PALM2AKAP2: variants seen among roughly 807,000 people sequenced by gnomAD.
The protein encoded by PALM2AKAP2 is PALM2 and AKAP2 fusion, also known as PALM2-AKAP2 fusion protein.
PALM2AKAP2 carries 37 observed loss-of-function variants against 71.5 expected under a neutral mutation model. The observed-to-expected ratio is 0.52, with a 90% CI of 0.40 to 0.68. The LOEUF (loss-of-function observed/expected upper bound fraction) is 0.68. PALM2AKAP2 is among the 30% of genes least tolerant of loss of function. The probability of loss-of-function intolerance (pLI) is 0.00; values close to 1 mark genes in which losing one functional copy is unlikely to be tolerated. For synonymous variants in PALM2AKAP2, 468 were observed against 478.8 expected, an observed-to-expected ratio of 0.98 and a Z score of 0.29; for missense variants, 1,224 against 1,191.8, an observed-to-expected ratio of 1.03 and a Z score of -0.40.
chr9:110,137,730 A>G (rs1451128149), exon 2 of PALM2AKAP2: 3 of 1,614,056 alleles, frequency 1.9e-6, no homozygotes, highest in Non-Finnish European at 2.5e-6. Flanking sequence ...TTCAGCATGG[A>G]CAACATCAGT....
intron 2 of PALM2AKAP2, among the ~76,000 whole-genome samples, chr9:109,878,723 TTACTAA>T (rs1400946873): frequency 1.4e-4 from 21 of 152,284 alleles, no homozygotes; most frequent in Non-Finnish European, 2.1e-4. Flanking sequence ...GAAGTCTAAC[TTACTAA>T]TACTAAGTGT....
chr9:109,755,757 T>C (rs1828949128), intron 1 of PALM2AKAP2, among the ~76,000 whole-genome samples: 1 of 152,032 alleles, frequency 6.6e-6, no homozygotes, highest in South Asian at 2.1e-4. Context: ...CTCATGACTA[T>C]GTAACATTAA....
intron 3 of PALM2AKAP2, among the ~76,000 whole-genome samples, chr9:109,893,042 C>T (rs780563299): frequency 2.0e-4 from 31 of 152,128 alleles, no homozygotes; most frequent in Non-Finnish European, 1.9e-4. Flanking sequence ...TTCCAGAACT[C>T]GGGCCCGGTA....
intron 1 of PALM2AKAP2, among the ~76,000 whole-genome samples, chr9:109,735,188 T>G (rs928878605): frequency 1.3e-5 from 2 of 148,880 alleles, no homozygotes; most frequent in African/African-American, 5.0e-5. Context: ...GCCTGGCTAC[T>G]GCCTTGCATA....
intron 1 of PALM2AKAP2, among the ~76,000 whole-genome samples, chr9:110,131,445 G>C (rs1376055185): frequency 6.6e-6 from 1 of 152,166 alleles, no homozygotes; most frequent in East Asian, 1.9e-4. Context: ...TCTGAATCTG[G>C]AATCACGTTC....
intron 3 of PALM2AKAP2, among the ~76,000 whole-genome samples, chr9:109,895,354 A>G (rs1459120287): frequency 6.6e-6 from 1 of 152,210 alleles, no homozygotes; most frequent in Non-Finnish European, 1.5e-5. Context: ...TTTTAATATT[A>G]GCCACACAGA....
chr9:109,989,566 A>G (rs1313131149), intron 6 of PALM2AKAP2, among the ~76,000 whole-genome samples: 1 of 152,158 alleles, frequency 6.6e-6, no homozygotes, highest in Non-Finnish European at 1.5e-5. Flanking sequence ...AGCAAAAAAC[A>G]TTTTTCTCTA....
intron 1 of PALM2AKAP2, among the ~76,000 whole-genome samples, chr9:109,733,026 G>C (rs1012254899): frequency 1.3e-5 from 2 of 152,164 alleles, no homozygotes; most frequent in African/African-American, 4.8e-5. Flanking sequence ...ATAATATTGA[G>C]AGGCTCAAGT....
intron 1 of PALM2AKAP2, among the ~76,000 whole-genome samples, chr9:109,840,688 C>T (rs557759450): frequency 3.9e-5 from 6 of 152,240 alleles, no homozygotes; most frequent in African/African-American, 1.2e-4. Context: ...ACAAACAACC[C>T]AATCAACACG....
intron 1 of PALM2AKAP2, among the ~76,000 whole-genome samples, chr9:109,676,162 A>G (rs2118503829): frequency 6.6e-6 from 1 of 152,344 alleles, no homozygotes; most frequent in Admixed American, 6.5e-5. Flanking sequence ...TTAAAGAGGT[A>G]GAGCAAGAGT....
chr9:110,024,489 A>C (rs1695046230), intron 7 of PALM2AKAP2, among the ~76,000 whole-genome samples: 1 of 151,950 alleles, frequency 6.6e-6, no homozygotes. Context: ...TATTTCATTT[A>C]ATTGATATGC....
intron 1 of PALM2AKAP2, among the ~76,000 whole-genome samples, chr9:109,748,317 G>A (rs1169789101): frequency 6.6e-6 from 1 of 152,118 alleles, no homozygotes; most frequent in East Asian, 1.9e-4. Flanking sequence ...GAGGGTACAT[G>A]AACAGCCCAG....
chr9:109,910,078 A>G (rs1830534896), intron 3 of PALM2AKAP2, among the ~76,000 whole-genome samples: 1 of 152,218 alleles, frequency 6.6e-6, no homozygotes, highest in Admixed American at 6.5e-5. Context: ...AGCAGCTATG[A>G]AAAGAGATTT....
At chr9:110,028,366 C>T (rs1349254605) in intron 7 of PALM2AKAP2, among the ~76,000 whole-genome samples, 4 of 152,168 alleles carry the variant, frequency 2.6e-5, no homozygotes, top group South Asian at 2.1e-4. Context: ...TCTTCTTTGC[C>T]GTTTTATTTC....
intron 7 of PALM2AKAP2, among the ~76,000 whole-genome samples, chr9:110,033,030 G>A (rs1033170173): frequency 2.6e-5 from 4 of 152,134 alleles, no homozygotes; most frequent in African/African-American, 4.8e-5. Context: ...TCAAATTAAT[G>A]TGAATAAGTC....
chr9:109,858,744 G>T (rs1829234930), intron 1 of PALM2AKAP2, among the ~76,000 whole-genome samples: 1 of 152,154 alleles, frequency 6.6e-6, no homozygotes, highest in African/African-American at 2.4e-5. Flanking sequence ...TCCACCACAA[G>T]GGGCTTATCA....
intron 7 of PALM2AKAP2, among the ~76,000 whole-genome samples, chr9:110,032,004 G>A (rs1833285867): frequency 6.7e-6 from 1 of 148,234 alleles, no homozygotes; most frequent in Non-Finnish European, 1.5e-5. Flanking sequence ...AGTGATTCAT[G>A]AGTATGATAA....
At chr9:109,923,248 G>A (rs972239552) in intron 3 of PALM2AKAP2, among the ~76,000 whole-genome samples, 4 of 152,264 alleles carry the variant, frequency 2.6e-5, no homozygotes, top group African/African-American at 9.6e-5. Flanking sequence ...ACCACAGAGG[G>A]AGAGGACACC....
intron 7 of PALM2AKAP2, among the ~76,000 whole-genome samples, chr9:110,028,835 G>T (rs1004263368): frequency 2.0e-5 from 3 of 151,368 alleles, no homozygotes; most frequent in Non-Finnish European, 2.9e-5. Context: ...ATTTTTATTT[G>T]CCAAGTCCAG....
Sources: allele counts gnomAD v4.1 joint callset (sites outside exome capture counted in the v4.1 genomes callset), GRCh38; gene constraint gnomAD v4.1.1; transcripts MANE v1.5; gene names NCBI Gene and HGNC (gene_info 2026-07-23, HGNC 2026-07-21).